Variants in SATB1 observed in about 807,000 individuals in gnomAD.
The protein encoded by SATB1 is DNA-binding protein SATB1.
Under a neutral mutation model 86.9 loss-of-function variants are expected in SATB1, and 11 were observed. The ratio of observed to expected loss-of-function variants is 0.13; its 90% confidence interval spans 0.08 to 0.21. SATB1 has a LOEUF of 0.21. Ranked by LOEUF, SATB1 falls within the 10% of genes least tolerant of loss-of-function variation. SATB1 has a pLI of 1.00. For missense variants in SATB1, 551 were observed against 937.6 expected (o/e 0.59, Z 5.39); for synonymous variants, 357 against 357.2 (o/e 1.00, Z 0.01).
chr3:18,357,987 T>C (rs1694734208), intron 9 of SATB1, among the ~76,000 whole-genome samples: 1 of 151,942 alleles, frequency 6.6e-6, no homozygotes, highest in South Asian at 2.1e-4. Flanking sequence ...TGAGAAACAG[T>C]GGCAAAGCAA....
intron 10 of SATB1, chr3:18,350,883 A>T (rs531733276): frequency 2.9e-4 from 71 of 245,572 alleles, no homozygotes; most frequent in African/African-American, 1.6e-3. Flanking sequence ...ATAATTTTTC[A>T]CAGAAATACA....
intron 9 of SATB1, among the ~76,000 whole-genome samples, chr3:18,369,363 G>T (rs1695345608): frequency 6.6e-6 from 1 of 151,210 alleles, no homozygotes; most frequent in African/African-American, 2.4e-5. Flanking sequence ...GCCCAACACA[G>T]AATACAATCT....
chr3:18,374,745 G>A (rs560038045), intron 9 of SATB1, among the ~76,000 whole-genome samples: 5 of 152,286 alleles, frequency 3.3e-5, no homozygotes, highest in African/African-American at 9.6e-5. Flanking sequence ...TCACTGCAGA[G>A]CACGCTTTAC....
intron 8 of SATB1, among the ~76,000 whole-genome samples, chr3:18,381,781 G>GA (rs1215500673): frequency 6.6e-6 from 1 of 151,928 alleles, no homozygotes; most frequent in East Asian, 1.9e-4. Context: ...TCTTATTAAT[G>GA]AAAATAAGAA....
chr3:18,427,400 C>A (rs912427732), upstream of SATB1, among the ~76,000 whole-genome samples: 13 of 152,092 alleles, frequency 8.5e-5, no homozygotes, highest in African/African-American at 3.1e-4. Flanking sequence ...TCCACACACA[C>A]ACAAATGTAA....
intron 5 of SATB1, among the ~76,000 whole-genome samples, chr3:18,413,723 C>T (rs371996795): frequency 6.6e-6 from 1 of 151,972 alleles, no homozygotes; most frequent in African/African-American, 2.4e-5. Context: ...ACTGAAATGA[C>T]AAATAAGAGT....
chr3:18,347,156 G>A lies in SATB1; in HGVS notation c.*2014C>T, dbSNP rs931654782. The A allele has an allele frequency of 2.6e-5, 4 of 152,070 alleles. No individual in the cohort carries two copies. Among genetic ancestry groups the A allele is most frequent in the African/African-American group, 7.2e-5 (3 of 41,390 alleles). 9.4% of individuals were successfully genotyped at this position (152,070 alleles called of 1,614,324 possible). ...AAGCAGCCCAGTTGCCTACCAATAA[G>A]CTCATCAGGGCCTGAGAAGATGGTA... On this transcript the variant is annotated 3_prime_UTR_variant, in exon 11 of 11. Transcript: ENST00000338745.
intron 8 of SATB1, among the ~76,000 whole-genome samples, chr3:18,385,420 A>G (rs1455099729): frequency 1.3e-5 from 2 of 152,088 alleles, no homozygotes; most frequent in African/African-American, 2.4e-5. Flanking sequence ...CAGGAGATGG[A>G]GACCATCCTG....
chr3:18,417,594 T>C, intron 2 of SATB1: 1 of 671,514 alleles, frequency 1.5e-6, no homozygotes, highest in Non-Finnish European at 2.7e-6. Flanking sequence ...ATATTAACTC[T>C]AACTGGTTCC....
chr3:18,351,243 C>T, intron 10 of SATB1: 1 of 1,314,860 alleles, frequency 7.6e-7, no homozygotes, highest in African/African-American at 1.5e-5. Flanking sequence ...AAATCCTGAC[C>T]TGGGGAGCAG....
In SATB1 at chr3:18,394,810, C is replaced by T. The variant is rs201064692; in HGVS notation, c.858G>A (p.Ala286=). ...GNTAEQPPSP[A]QLSHGSQPSV... is the part of the protein sequence containing the mutation. ...AGGGCTGGCTGCCATGGGAGAGCTG[C>T]GCAGGGGATGGAGGCTGCTCGGCTG... The change falls in exon 7 of 11, where the codon GCG becomes GCA. Residue 286 remains alanine (A), a synonymous_variant. Transcript: ENST00000338745. This position sits in a 1 kb window ranked among gnomAD's most constrained non-coding sequence, Gnocchi z 5.9. 50 of 1,613,946 alleles carry T rather than the reference C, an allele frequency of 3.1e-5. No homozygotes were observed. In the Middle Eastern group the frequency reaches 4.9e-4, roughly 16 times the overall value.
At chr3:18,420,379 A>C (rs1451151857) in intron 2 of SATB1, among the ~76,000 whole-genome samples, 1 of 152,200 alleles carries the variant, frequency 6.6e-6, no homozygotes, top group African/African-American at 2.4e-5. Flanking sequence ...TCTTAGGAAG[A>C]AGCTAGGGTA....
chr3:18,349,635 C>G lies in SATB1; in HGVS notation c.1827G>C (p.Pro609=). The G allele has an allele frequency of 6.2e-7, 1 of 1,612,398 alleles. No individual in the cohort carries two copies. Among genetic ancestry groups the G allele is most frequent in the Admixed American group, 1.7e-5 (1 of 59,938 alleles). ...GCTGCTGCTGTGGCTGTGGAGGCGG[C>G]GGTGCCTGCTGCTGCTGCTGCTGCT... The part of the protein sequence containing the change: ...QQQQQQQQQA[P]PPPQPQQQPQ... The change falls in exon 11 of 11, where the codon CCG becomes CCC. Residue 609 remains proline (P), a synonymous_variant. Transcript: ENST00000338745. This position sits in a 1 kb window ranked among gnomAD's most constrained non-coding sequence, Gnocchi z 5.5.
chr3:18,382,604 C>G (rs947365264), intron 8 of SATB1, among the ~76,000 whole-genome samples: 3 of 152,304 alleles, frequency 2.0e-5, no homozygotes, highest in African/African-American at 7.2e-5. Context: ...ACCAAGGAAG[C>G]TGGGAGGACT....
At chr3:18,429,693 T>C (rs1241770998), upstream of SATB1, among the ~76,000 whole-genome samples, 2 of 152,214 alleles carry the variant, frequency 1.3e-5, no homozygotes, top group Non-Finnish European at 2.9e-5. This position sits in a 1 kb window ranked among gnomAD's most constrained non-coding sequence, Gnocchi z 4.1. Context: ...ACTCTCTGAC[T>C]AATTATGCAA....
chr3:18,428,663 A>T (rs1306832101), upstream of SATB1, among the ~76,000 whole-genome samples: 1 of 152,218 alleles, frequency 6.6e-6, no homozygotes, highest in Non-Finnish European at 1.5e-5. Flanking sequence ...AAAATATTGC[A>T]ATTCAAATAC....
intron 9 of SATB1, among the ~76,000 whole-genome samples, chr3:18,356,178 A>G (rs991039603): frequency 2.0e-5 from 3 of 151,964 alleles, no homozygotes; most frequent in African/African-American, 7.2e-5. Flanking sequence ...GTTATATACA[A>G]CACAAATCCT....
intron 9 of SATB1, among the ~76,000 whole-genome samples, chr3:18,355,854 T>C (rs1371004222): frequency 1.3e-5 from 2 of 151,914 alleles, no homozygotes; most frequent in Non-Finnish European, 2.9e-5. Flanking sequence ...ACTAAAATGG[T>C]ACAAGGAACA....
Position 18,444,118 on chromosome 3 carries a change from C to A in SATB1, c.-25+1400G>T, listed in dbSNP as rs1228497213. Among the ~76,000 whole-genome samples, 1 of 152,136 alleles carries A rather than the reference C, an allele frequency of 6.6e-6. No homozygotes were observed. Among genetic ancestry groups the A allele is most frequent in the African/African-American group, 2.4e-5 (1 of 41,440 alleles). On this transcript the variant is annotated intron_variant, in intron 1 of 3. Coordinates refer to the SATB1 transcript ENST00000415069. This position sits in a 1 kb window ranked among gnomAD's most constrained non-coding sequence, Gnocchi z 5.1. ...CGGGAAAGGATGCTGAGCAGACTCG[C>A]GATCCGGTGGGGGAACATTACCACT...
Sources: gnomAD v4.1 joint callset for allele counts (sites outside exome capture counted in the v4.1 genomes callset) on GRCh38, gnomAD v4.1.1 for gene constraint, Gnocchi (gnomAD v3.1) non-coding constraint, MANE v1.5 for transcripts, NCBI Gene and HGNC (gene_info 2026-07-23, HGNC 2026-07-21) for gene names.